The following ANO4 variants were observed in gnomAD, a reference collection of about 807,000 sequenced individuals.
The protein encoded by ANO4 is anoctamin-4.
In ANO4, 69 loss-of-function variants were observed where a neutral mutation model predicts 141.9. The ratio of observed to expected loss-of-function variants is 0.49; its 90% CI spans 0.40 to 0.59. The LOEUF (loss-of-function observed/expected upper bound fraction) is 0.59. ANO4 is among the 20% of genes least tolerant of loss of function. ANO4 has a pLI of 0.00. For missense variants in ANO4, 894 were observed against 1,162.2 expected (o/e 0.77, Z 3.36); for synonymous variants, 350 against 394.3 (o/e 0.89, Z 1.33).
intron 1 of ANO4, among the ~76,000 whole-genome samples, chr12:100,825,676 A>T (rs2036293802): frequency 6.6e-6 from 1 of 152,050 alleles, no homozygotes; most frequent in African/African-American, 2.4e-5. Flanking sequence ...CTAGCATCCC[A>T]GCTTGGTGTG....
At chr12:101,037,266 T>C (rs2047236992) in intron 10 of ANO4, 116 bp downstream of exon 10, 9 of 1,061,484 alleles carry the variant, frequency 8.5e-6, no homozygotes, top group Admixed American at 2.0e-5. Flanking sequence ...ATTTAATTTG[T>C]TCAATGGGTA....
chr12:100,900,086 C>T (rs1050345907), intron 1 of ANO4, among the ~76,000 whole-genome samples: 9 of 147,978 alleles, frequency 6.1e-5, no homozygotes, highest in Non-Finnish European at 4.6e-5. Flanking sequence ...TTAAAAAGTA[C>T]AGTTCTCACT....
chr12:101,019,053 G>A (rs1485953224), intron 8 of ANO4, among the ~76,000 whole-genome samples: 1 of 152,176 alleles, frequency 6.6e-6, no homozygotes, highest in African/African-American at 2.4e-5. Flanking sequence ...TTGGGGGACA[G>A]AAGTGTAGTT....
At chr12:100,755,255 A>G (rs2032557018) in intron 3 of ANO4, among the ~76,000 whole-genome samples, 1 of 152,104 alleles carries the variant, frequency 6.6e-6, no homozygotes, top group South Asian at 2.1e-4. Context: ...GCTTATGCTC[A>G]TCCCTCACCT....
chr12:101,039,106 A>C (rs955546148), intron 10 of ANO4: 3 of 152,162 alleles, frequency 2.0e-5, no homozygotes, highest in African/African-American at 7.2e-5. Context: ...GAATTACAAG[A>C]ATTCTGAAGT....
intron 17 of ANO4, among the ~76,000 whole-genome samples, chr12:101,090,207 A>G (rs563716797): frequency 2.0e-5 from 3 of 152,354 alleles, no homozygotes; most frequent in Admixed American, 2.0e-4. Flanking sequence ...TCAAGGATCT[A>G]GAACTAGAAA....
intron 14 of ANO4, among the ~76,000 whole-genome samples, chr12:101,062,487 C>T (rs907250800): frequency 6.6e-6 from 1 of 152,188 alleles, no homozygotes; most frequent in African/African-American, 2.4e-5. Flanking sequence ...CCCCGACAGC[C>T]ACTGCTTCCC....
intron 1 of ANO4, among the ~76,000 whole-genome samples, chr12:100,884,598 G>A (rs1156787166): frequency 6.6e-6 from 1 of 152,202 alleles, no homozygotes; most frequent in Non-Finnish European, 1.5e-5. Flanking sequence ...ATTTCTGTGA[G>A]TTAGATGTCT....
At chr12:100,810,143 C>T (rs979986829) in intron 1 of ANO4, among the ~76,000 whole-genome samples, 7 of 147,422 alleles carry the variant, frequency 4.7e-5, no homozygotes, top group South Asian at 2.3e-4. Context: ...GGAAAGGGAA[C>T]ATGGTTAGGA....
chr12:100,755,597 C>T (rs1451408383), intron 3 of ANO4, among the ~76,000 whole-genome samples: 1 of 152,164 alleles, frequency 6.6e-6, no homozygotes, highest in Non-Finnish European at 1.5e-5. Flanking sequence ...GTCCCTAATC[C>T]TTAATTTAAA....
chr12:100,850,254 A>G (rs1188676774), intron 1 of ANO4, among the ~76,000 whole-genome samples: 4 of 152,228 alleles, frequency 2.6e-5, no homozygotes, highest in African/African-American at 7.2e-5. Flanking sequence ...AAATCATAGG[A>G]AGTAACAGCA....
At chr12:101,046,328 C>T (rs1194054892) in intron 13 of ANO4, among the ~76,000 whole-genome samples, 1 of 152,130 alleles carries the variant, frequency 6.6e-6, no homozygotes, top group African/African-American at 2.4e-5. Flanking sequence ...CCTGATATTG[C>T]TCCAGGAATA....
chr12:100,952,344 T>C (rs1350190453), intron 5 of ANO4, among the ~76,000 whole-genome samples: 4 of 152,240 alleles, frequency 2.6e-5, no homozygotes, highest in African/African-American at 9.6e-5. Context: ...TCAAGGGCTA[T>C]TATGAGGATA....
At chr12:100,983,027 T>C (rs2044552512) in intron 7 of ANO4, among the ~76,000 whole-genome samples, 2 of 152,228 alleles carry the variant, frequency 1.3e-5, no homozygotes, top group Non-Finnish European at 2.9e-5. Context: ...CTTTCCAGCC[T>C]AGTGGCTTTT....
intron 8 of ANO4, among the ~76,000 whole-genome samples, chr12:100,991,255 G>A (rs1405913412): frequency 6.6e-6 from 1 of 152,066 alleles, no homozygotes; most frequent in Non-Finnish European, 1.5e-5. Flanking sequence ...AACAATTGTT[G>A]GGTACAATCA....
intron 8 of ANO4, among the ~76,000 whole-genome samples, 187 bp from the exon 9 acceptor site, chr12:101,019,847 C>A (rs2046452517): frequency 6.6e-6 from 1 of 152,178 alleles, no homozygotes; most frequent in Non-Finnish European, 1.5e-5. Context: ...ATGCTGAAAA[C>A]CAAAACTACT....
At chr12:101,033,462 T>TATA (rs756110474) in intron 9 of ANO4, among the ~76,000 whole-genome samples, 14 of 150,884 alleles carry the variant, frequency 9.3e-5, no homozygotes, top group African/African-American at 2.2e-4. Flanking sequence ...AAACTTAAAG[T>TATA]ATAATAATAA....
intron 14 of ANO4, among the ~76,000 whole-genome samples, chr12:101,069,497 T>A (rs1304011110): frequency 6.6e-6 from 1 of 152,216 alleles, no homozygotes; most frequent in Non-Finnish European, 1.5e-5. Flanking sequence ...CTGTAGTATG[T>A]CTTTAGTTAC....
chr12:101,045,399 AT>A (rs1263171895), intron 13 of ANO4, among the ~76,000 whole-genome samples: 2 of 152,238 alleles, frequency 1.3e-5, no homozygotes, highest in African/African-American at 4.8e-5. Context: ...TAGATTCTGA[AT>A]TTAACATTTG....
Sources: gnomAD v4.1 joint callset for allele counts (sites outside exome capture counted in the v4.1 genomes callset) on GRCh38, gnomAD v4.1.1 for gene constraint, MANE v1.5 for transcripts, NCBI Gene and HGNC (gene_info 2026-07-23, HGNC 2026-07-21) for gene names.